ST18: variants seen among roughly 807,000 people sequenced by gnomAD.
The protein encoded by ST18 is ST18 C2H2C-type zinc finger transcription factor, also known as suppression of tumorigenicity 18 protein.
A neutral mutation model predicts 110.0 loss-of-function variants in ST18; 50 were observed. The observed-to-expected ratio is 0.45, with a 90% CI of 0.36 to 0.58. The LOEUF is 0.58. Among genes scored for constraint, ST18 ranks in the 20% least tolerant of loss-of-function variants. The probability of loss-of-function intolerance (pLI) is 0.00; values close to 1 mark genes in which losing one functional copy is unlikely to be tolerated. For synonymous variants in ST18, 461 were observed against 452.4 expected, an observed-to-expected ratio of 1.02 and a Z score of -0.24; for missense variants, 1,306 against 1,280.1, an observed-to-expected ratio of 1.02 and a Z score of -0.31.
chr8:52,321,658 C>A (rs1041413980), intron 2 of ST18, among the ~76,000 whole-genome samples: 1 of 152,288 alleles, frequency 6.6e-6, no homozygotes, highest in South Asian at 2.1e-4. Flanking sequence ...CAGAGTGATG[C>A]TAATACAATC....
Position 52,171,874 on chromosome 8 carries a change from C to G in ST18, c.987G>C (p.Arg329Ser). The G allele has an allele frequency of 6.2e-7, 1 of 1,614,220 alleles. No homozygotes were observed. Among genetic ancestry groups the G allele is most frequent in the Non-Finnish European group, 8.5e-7 (1 of 1,180,032 alleles). ...CCCCTGCTAGGTGCTCCAGCAGGAA[C>G]CTATCCAGCTCTTTGTAGGTGTTAT... is the stretch of plus-strand genomic sequence containing the variant. ...VFHNTYKELD[R>S]FLLEHLAGER... The change falls in exon 10 of 26, where the codon AGG (arginine) becomes AGC (serine). Residue 329 changes from arginine (R) to serine (S), a missense_variant. Transcript: ENST00000689386.
intron 2 of ST18, among the ~76,000 whole-genome samples, chr8:52,348,638 G>A (rs540760070): frequency 6.6e-6 from 1 of 152,152 alleles, no homozygotes; most frequent in Non-Finnish European, 1.5e-5. Flanking sequence ...CAGCTACTCG[G>A]GAGGCTGAGG....
intron 2 of ST18, among the ~76,000 whole-genome samples, chr8:52,295,455 T>A (rs2095618274): frequency 6.6e-6 from 1 of 152,174 alleles, no homozygotes; most frequent in Admixed American, 6.5e-5. Context: ...GAAAAAAATT[T>A]TAATGACCTT....
At chr8:52,260,022 T>A (rs2360803) in intron 2 of ST18, among the ~76,000 whole-genome samples, 31,298 of 152,218 alleles carry the variant, frequency 0.21, 3,849 homozygotes, top group Middle Eastern at 0.38. Context: ...AGTGAAGTTT[T>A]CTTCAAATTG....
chr8:52,303,142 A>AT (rs2095756324), intron 2 of ST18, among the ~76,000 whole-genome samples: 1 of 152,220 alleles, frequency 6.6e-6, no homozygotes. Flanking sequence ...AATGACACAG[A>AT]TTTATTCTCT....
At chr8:52,297,512 G>C (rs1033140400) in intron 2 of ST18, among the ~76,000 whole-genome samples, 1 of 152,066 alleles carries the variant, frequency 6.6e-6, no homozygotes, top group African/African-American at 2.4e-5. Context: ...TGAGCTTAAA[G>C]CCAGCCTAGA....
chr8:52,205,238 CTATT>C (rs2079545867), intron 8 of ST18, among the ~76,000 whole-genome samples: 1 of 150,602 alleles, frequency 6.6e-6, no homozygotes, highest in Admixed American at 6.6e-5. Flanking sequence ...AAAAACATAA[CTATT>C]TAGTCCTTTG....
At chr8:52,319,649 A>T (rs901268952) in intron 2 of ST18, among the ~76,000 whole-genome samples, 1 of 152,106 alleles carries the variant, frequency 6.6e-6, no homozygotes, top group African/African-American at 2.4e-5. Context: ...AAAACAACAA[A>T]TATTTTATTT....
chr8:52,288,358 G>C (rs2095501652), intron 2 of ST18, among the ~76,000 whole-genome samples: 5 of 152,148 alleles, frequency 3.3e-5, no homozygotes. Flanking sequence ...ATGAGAAAAT[G>C]CCATTAAAAC....
At chr8:52,361,442 G>C (rs1266204685) in intron 2 of ST18, among the ~76,000 whole-genome samples, 1 of 152,182 alleles carries the variant, frequency 6.6e-6, no homozygotes, top group Non-Finnish European at 1.5e-5. Flanking sequence ...AGTGGGAGAA[G>C]GGAGAGAAAG....
chr8:52,325,350 A>G (rs931184512), intron 2 of ST18, among the ~76,000 whole-genome samples: 2 of 152,356 alleles, frequency 1.3e-5, no homozygotes, highest in Admixed American at 1.3e-4. Flanking sequence ...TCATTTGAAA[A>G]GGAATTAGTT....
At chr8:52,130,617 TG>T (rs1440181995) in intron 22 of ST18, among the ~76,000 whole-genome samples, 10 of 152,234 alleles carry the variant, frequency 6.6e-5, no homozygotes, top group Admixed American at 6.5e-4. Flanking sequence ...CAAGTGCATT[TG>T]TTGTTTTCAA....
intron 2 of ST18, among the ~76,000 whole-genome samples, chr8:52,273,961 G>C (rs2095157129): frequency 6.6e-6 from 1 of 152,174 alleles, no homozygotes; most frequent in African/African-American, 2.4e-5. Context: ...CTTCAGATGA[G>C]TTCAGCAGTT....
intron 8 of ST18, among the ~76,000 whole-genome samples, chr8:52,209,823 T>G (rs1423464184): frequency 1.4e-5 from 2 of 146,038 alleles, no homozygotes; most frequent in Non-Finnish European, 3.0e-5. Flanking sequence ...ATGCTTATTA[T>G]AATTATTAAT....
chr8:52,408,151 A>C (rs1845169915), intron 2 of ST18, among the ~76,000 whole-genome samples: 1 of 152,200 alleles, frequency 6.6e-6, no homozygotes, highest in African/African-American at 2.4e-5. Context: ...AAACTAATTT[A>C]ATGTAGGACT....
intron 9 of ST18, among the ~76,000 whole-genome samples, chr8:52,175,608 G>A (rs2066613157): frequency 1.3e-5 from 2 of 152,132 alleles, no homozygotes; most frequent in Non-Finnish European, 2.9e-5. Context: ...ATGACTGGAT[G>A]GATAGTTCAA....
At chr8:52,371,033 C>A (rs1241724310) in intron 2 of ST18, among the ~76,000 whole-genome samples, 4 of 152,152 alleles carry the variant, frequency 2.6e-5, no homozygotes, top group Admixed American at 2.6e-4. Flanking sequence ...CACTTATGTG[C>A]CTGCTACTAT....
chr8:52,130,137 A>AAGAAAGAC (rs2048875250), intron 22 of ST18, among the ~76,000 whole-genome samples: 1 of 151,014 alleles, frequency 6.6e-6, no homozygotes, highest in South Asian at 2.1e-4. Context: ...GAAAGAAAGA[A>AAGAAAGAC]AGAAAGAAAG....
intron 2 of ST18, among the ~76,000 whole-genome samples, chr8:52,286,398 A>C (rs2095472330): frequency 1.3e-5 from 2 of 152,228 alleles, no homozygotes; most frequent in Admixed American, 1.3e-4. Context: ...ACAGCAGAGC[A>C]GAGCTTCAAA....
Sources: allele counts gnomAD v4.1 joint callset (sites outside exome capture counted in the v4.1 genomes callset), GRCh38; gene constraint gnomAD v4.1.1; transcripts MANE v1.5; gene names NCBI Gene and HGNC (gene_info 2026-07-23, HGNC 2026-07-21).